Variants in RSPO2 observed in about 807,000 individuals in gnomAD.
RSPO2 encodes R-spondin-2.
A neutral mutation model predicts 30.9 loss-of-function variants in RSPO2; 14 were observed. That is an observed-to-expected ratio of 0.45 (90% CI 0.30 to 0.71). The LOEUF (loss-of-function observed/expected upper bound fraction) is 0.71. RSPO2 is among the 30% of genes least tolerant of loss of function. The pLI is 0.08. For missense variants in RSPO2, 264 were observed against 301.9 expected (o/e 0.87, Z 0.93); for synonymous variants, 107 against 96.4 (o/e 1.11, Z -0.64).
chr8:107,986,012 C>T (rs1038449006), intron 3 of RSPO2, among the ~76,000 whole-genome samples: 1 of 152,160 alleles, frequency 6.6e-6, no homozygotes, highest in African/African-American at 2.4e-5. Flanking sequence ...TCAAGTTTCA[C>T]TTACAAGATT....
chr8:108,059,962 C>A (rs1170790024), intron 2 of RSPO2, among the ~76,000 whole-genome samples: 1 of 151,140 alleles, frequency 6.6e-6, no homozygotes, highest in Non-Finnish European at 1.5e-5. Context: ...TGTAACAAAC[C>A]TGCACATTGT....
In RSPO2 at chr8:107,989,198, T is replaced by C; in HGVS notation, c.141A>G (p.Ser47=). 6.3e-7 allele frequency: 1 copy of C among 1,596,906 alleles called. No homozygotes were observed. The highest frequency in any genetic ancestry group is 8.5e-7 in the Non-Finnish European group (1 of 1,175,106). Residue 47 remains serine (S), a synonymous_variant, in exon 3 of 6, where the codon TCA becomes TCG. Transcript: ENST00000276659. ...NPICKGCLSC[S]KDNGCSRCQQ... ...GACATCGGCTACACCCATTGTCCTT[T>C]GAACAAGACAAACAACCCTTGCAAA...
intron 3 of RSPO2, among the ~76,000 whole-genome samples, chr8:107,963,158 T>C (rs1294395767): frequency 1.3e-5 from 2 of 151,768 alleles, no homozygotes; most frequent in African/African-American, 4.8e-5. Context: ...TATGTTCAAA[T>C]TGTAGAAAAC....
At position 108,049,733 on chromosome 8, in the gene RSPO2, T is replaced by C. The variant is rs1586658194; in HGVS notation, c.94+32812A>G. On this transcript the variant is annotated intron_variant, in intron 2 of 5. Transcript: ENST00000276659. ...CCATGTCCCTGCAAAGGACATGAACTCATTCTTTTTTATGGCTACATAGTA... is the reference window on the plus strand; with the variant it reads ...CCATGTCCCTGCAAAGGACATGAACCCATTCTTTTTTATGGCTACATAGTA... Among the ~76,000 whole-genome samples, 4 of 152,058 alleles carry C rather than the reference T, an allele frequency of 2.6e-5. No individual in the cohort carries two copies. In the South Asian group the frequency reaches 8.3e-4, roughly 32 times the overall value.
chr8:107,997,913 C>T (rs1003005891), intron 2 of RSPO2, among the ~76,000 whole-genome samples: 1 of 152,070 alleles, frequency 6.6e-6, no homozygotes. Flanking sequence ...AAATGTGTTC[C>T]GTTGTTTCTG....
At chr8:107,967,307 C>G (rs1023410604) in intron 3 of RSPO2, among the ~76,000 whole-genome samples, 5 of 152,142 alleles carry the variant, frequency 3.3e-5, no homozygotes, top group Admixed American at 6.6e-5. Context: ...CTAACAATTT[C>G]AAGTACTATT....
At chr8:108,034,196 T>C (rs1019304673) in intron 2 of RSPO2, among the ~76,000 whole-genome samples, 3 of 151,732 alleles carry the variant, frequency 2.0e-5, no homozygotes, top group Non-Finnish European at 4.4e-5. Context: ...GTTCTGGGGG[T>C]TTTTTTTCCC....
chr8:107,935,093 C>T (rs994223667), intron 5 of RSPO2, among the ~76,000 whole-genome samples: 10 of 152,074 alleles, frequency 6.6e-5, no homozygotes, highest in African/African-American at 9.7e-5. Context: ...GCCTGCGGGG[C>T]GGGACAGAAC....
chr8:108,077,115 C>T (rs745674447), intron 2 of RSPO2, among the ~76,000 whole-genome samples: 5 of 152,082 alleles, frequency 3.3e-5, no homozygotes, highest in East Asian at 3.9e-4. Context: ...AACCTAAAAG[C>T]GCTCTAAAAA....
chr8:107,920,728 A>G (rs1243080647), intron 5 of RSPO2, among the ~76,000 whole-genome samples: 3 of 152,162 alleles, frequency 2.0e-5, no homozygotes, highest in Non-Finnish European at 4.4e-5. Context: ...ATTAAGGATT[A>G]TATGAATGCA....
chr8:107,960,377 T>C (rs1813586974), intron 4 of RSPO2, among the ~76,000 whole-genome samples: 6 of 152,086 alleles, frequency 3.9e-5, no homozygotes, highest in Admixed American at 3.9e-4. Flanking sequence ...TGTTTTTCTC[T>C]AACAGTTACT....
At chr8:107,939,470 T>A (rs1812821668) in intron 5 of RSPO2, among the ~76,000 whole-genome samples, 1 of 121,958 alleles carries the variant, frequency 8.2e-6, no homozygotes. Context: ...TTAAATAAAT[T>A]AAATTATCTT....
intron 2 of RSPO2, among the ~76,000 whole-genome samples, chr8:108,005,698 A>G (rs1563560222): frequency 6.6e-6 from 1 of 152,194 alleles, no homozygotes; most frequent in South Asian, 2.1e-4. Context: ...TGTGCATACT[A>G]TCAAGTGCTT....
chr8:108,059,679 A>ATG (rs1812384070), intron 2 of RSPO2, among the ~76,000 whole-genome samples: 1 of 148,290 alleles, frequency 6.7e-6, no homozygotes, highest in Non-Finnish European at 1.5e-5. Context: ...GCCATAAAAA[A>ATG]AGATGAGTTC....
intron 5 of RSPO2, among the ~76,000 whole-genome samples, chr8:107,917,311 C>A (rs983757345): frequency 6.6e-6 from 1 of 151,928 alleles, no homozygotes; most frequent in African/African-American, 2.4e-5. Flanking sequence ...ATGGTGAAAC[C>A]CCATCTCTAC....
intron 5 of RSPO2, among the ~76,000 whole-genome samples, chr8:107,934,771 A>T (rs1812661133): frequency 6.6e-6 from 1 of 152,178 alleles, no homozygotes. Flanking sequence ...TTAGTTCCCC[A>T]AATTAATACT....
intron 2 of RSPO2, among the ~76,000 whole-genome samples, chr8:108,002,077 A>G (rs1166773736): frequency 1.3e-5 from 2 of 152,222 alleles, no homozygotes; most frequent in Non-Finnish European, 2.9e-5. Flanking sequence ...CATGCGTGCT[A>G]TCCTATAAGC....
At chr8:108,078,783 AC>A (rs1813093661) in intron 2 of RSPO2, among the ~76,000 whole-genome samples, 1 of 152,166 alleles carries the variant, frequency 6.6e-6, no homozygotes, top group African/African-American at 2.4e-5. Flanking sequence ...TAGTCATAGC[AC>A]GCCCCCTGCC....
At chr8:107,926,802 T>G (rs569878278) in intron 5 of RSPO2, among the ~76,000 whole-genome samples, 18 of 152,326 alleles carry the variant, frequency 1.2e-4, no homozygotes, top group Non-Finnish European at 7.3e-5. Context: ...ACTGTAGCCT[T>G]GTAGTATAGT....
Sources: gnomAD v4.1 joint callset for allele counts (sites outside exome capture counted in the v4.1 genomes callset) on GRCh38, gnomAD v4.1.1 for gene constraint, MANE v1.5 for transcripts, NCBI Gene and HGNC (gene_info 2026-07-23, HGNC 2026-07-21) for gene names.